Variants in COL26A1 observed in about 807,000 individuals in gnomAD.
COL26A1 encodes collagen alpha-1(XXVI) chain.
Under a neutral mutation model 59.3 loss-of-function variants are expected in COL26A1, and 41 were observed. The ratio of observed to expected loss-of-function variants is 0.69; its 90% CI spans 0.54 to 0.90. COL26A1 has a LOEUF of 0.90. COL26A1 is among the 40% of genes least tolerant of loss of function. The probability of loss-of-function intolerance (pLI) is 0.00; values close to 1 mark genes in which losing one functional copy is unlikely to be tolerated. For synonymous variants in COL26A1, 266 were observed against 256.0 expected, an observed-to-expected ratio of 1.04 and a Z score of -0.37; for missense variants, 612 against 602.3, an observed-to-expected ratio of 1.02 and a Z score of -0.17.
At chr7:101,516,825 T>C (rs1795038090) in intron 3 of COL26A1, among the ~76,000 whole-genome samples, 1 of 152,096 alleles carries the variant, frequency 6.6e-6, no homozygotes, top group Non-Finnish European at 1.5e-5. Flanking sequence ...ACAGAGGCCG[T>C]CATGTTGTTC....
intron 9 of COL26A1, among the ~76,000 whole-genome samples, chr7:101,550,647 G>A (rs1025796090): frequency 6.6e-6 from 1 of 152,048 alleles, no homozygotes; most frequent in Admixed American, 6.5e-5. Context: ...GGGATGGGGG[G>A]CACCAGGAGT....
At chr7:101,551,227 T>TGGGGGGGGGG in intron 10 of COL26A1, 84 bp downstream of exon 10, 2 of 102,874 alleles carry the variant, frequency 1.9e-5, no homozygotes, top group East Asian at 2.8e-4. Flanking sequence ...TGGCGGGGGT[T>TGGGGGGGGGG]GGTGGGGGGG....
chr7:101,480,415 C>T (rs1046720194), intron 3 of COL26A1, among the ~76,000 whole-genome samples: 2 of 152,228 alleles, frequency 1.3e-5, no homozygotes, highest in East Asian at 3.9e-4. Flanking sequence ...TCTTATTTTA[C>T]ACATGTCATA....
chr7:101,460,787 A>T (rs1183013632), intron 3 of COL26A1, among the ~76,000 whole-genome samples: 1 of 90,800 alleles, frequency 1.1e-5, no homozygotes, highest in Non-Finnish European at 2.5e-5. Context: ...TCTCAGGAAG[A>T]AAAAAAAAAA....
At chr7:101,452,989 GA>G (rs1793380161) in intron 3 of COL26A1, among the ~76,000 whole-genome samples, 1 of 152,126 alleles carries the variant, frequency 6.6e-6, no homozygotes, top group African/African-American at 2.4e-5. Context: ...GACCTCAAGT[GA>G]TCTGCCCGCC....
At chr7:101,481,271 A>C (rs115311349) in intron 3 of COL26A1, among the ~76,000 whole-genome samples, 5,956 of 152,180 alleles carry the variant, frequency 0.039, 400 homozygotes, top group African/African-American at 0.14. Flanking sequence ...CAGCTAAGTT[A>C]CTATGATAGC....
At chr7:101,553,748 C>T (rs13235582) in intron 11 of COL26A1, among the ~76,000 whole-genome samples, 31,141 of 152,050 alleles carry the variant, frequency 0.2, 3,400 homozygotes, top group South Asian at 0.32. Flanking sequence ...AATGGCGTCT[C>T]GGCATGGGCG....
intron 1 of COL26A1, among the ~76,000 whole-genome samples, chr7:101,414,025 C>T (rs916868147): frequency 5.3e-5 from 8 of 152,124 alleles, no homozygotes; most frequent in African/African-American, 1.4e-4. Flanking sequence ...ACACTCAGGA[C>T]GCAGGGATCC....
chr7:101,466,579 A>C (rs1405677688), intron 3 of COL26A1, among the ~76,000 whole-genome samples: 1 of 152,030 alleles, frequency 6.6e-6, no homozygotes, highest in African/African-American at 2.4e-5. Flanking sequence ...TGCACCTGCT[A>C]CTCAGGAGGC....
chr7:101,520,401 C>G (rs1795115308), intron 3 of COL26A1, among the ~76,000 whole-genome samples: 1 of 152,134 alleles, frequency 6.6e-6, no homozygotes. Context: ...CATTTAAGAA[C>G]TGGCCAGGTG....
intron 2 of COL26A1, among the ~76,000 whole-genome samples, chr7:101,435,026 GA>G (rs1232268579): frequency 6.6e-6 from 1 of 152,128 alleles, no homozygotes. Context: ...TGGTGAGGAG[GA>G]AAGAGCTCTG....
rs1460771233 is a variant in COL26A1 at position 101,362,923 on chromosome 7, G to T, written c.-110G>T. On this transcript the variant is annotated 5_prime_UTR_variant, in exon 1 of 13. Transcript: ENST00000313669. Reference sequence around the variant, plus strand: ...CACCCGGGCTCCGACCGCTCGCCCCGCTCCTCTCGCTGTGCTCCCGGCCGG... The same window carrying T: ...CACCCGGGCTCCGACCGCTCGCCCCTCTCCTCTCGCTGTGCTCCCGGCCGG... 3 of 1,166,138 alleles carry T rather than the reference G, an allele frequency of 2.6e-6. No individual in the cohort carries two copies. The Admixed American group carries it at 9.4e-5, about 37-fold the overall frequency. 72.2% of individuals were successfully genotyped at this position (1,166,138 alleles called of 1,614,324 possible).
rs192148371 is a variant in COL26A1, at chr7:101,546,776, G to C, written c.857-380G>C. On this transcript the variant is annotated intron_variant, in intron 7 of 12. Coordinates refer to ENST00000313669, the MANE Select transcript of COL26A1 (RefSeq NM_001278563.3). The stretch of plus-strand genomic sequence containing the variant: ...CCCCAGGCACAGCTCAGAGGGGTGG[G>C]CATGGAGGGCTTCCTGGAGGAGTGA... Among the ~76,000 whole-genome samples the C allele has an allele frequency of 2.7e-3, 405 of 152,288 alleles. 1 individual carries two copies. The highest frequency in any genetic ancestry group is 3.8e-3 in the Non-Finnish European group (256 of 68,000).
At chr7:101,432,640 C>A (rs150691923) in intron 2 of COL26A1, among the ~76,000 whole-genome samples, 3 of 152,126 alleles carry the variant, frequency 2.0e-5, no homozygotes, top group South Asian at 2.1e-4. Flanking sequence ...GAAGCCAGAG[C>A]GAGAGGCAGA....
chr7:101,400,927 G>A (rs749526043), intron 1 of COL26A1, among the ~76,000 whole-genome samples: 18 of 152,136 alleles, frequency 1.2e-4, no homozygotes, highest in Non-Finnish European at 2.6e-4. Context: ...CGCTAAACCC[G>A]AACGAGGGGT....
At chr7:101,392,707 C>T (rs1228033782) in intron 1 of COL26A1, among the ~76,000 whole-genome samples, 1 of 151,996 alleles carries the variant, frequency 6.6e-6, no homozygotes, top group Admixed American at 6.6e-5. Flanking sequence ...TGGCCAAAAA[C>T]CAGGCTTTTT....
chr7:101,384,514 T>C (rs1442227574), intron 1 of COL26A1, among the ~76,000 whole-genome samples: 1 of 151,966 alleles, frequency 6.6e-6, no homozygotes, highest in African/African-American at 2.4e-5. Flanking sequence ...AGACATGAGG[T>C]ACTGTGCCTG....
intron 1 of COL26A1, among the ~76,000 whole-genome samples, chr7:101,384,313 T>C (rs1791518438): frequency 6.7e-6 from 1 of 149,104 alleles, no homozygotes; most frequent in Non-Finnish European, 1.5e-5. Context: ...CTCGGCTTAC[T>C]GCAACCTCCG....
chr7:101,518,949 C>T (rs907270780), intron 3 of COL26A1, among the ~76,000 whole-genome samples: 1 of 152,162 alleles, frequency 6.6e-6, no homozygotes, highest in African/African-American at 2.4e-5. Flanking sequence ...AGTACTTGAT[C>T]CTGAAAGAGT....
Sources: allele counts gnomAD v4.1 joint callset (sites outside exome capture counted in the v4.1 genomes callset), GRCh38; gene constraint gnomAD v4.1.1; transcripts MANE v1.5; gene names NCBI Gene and HGNC (gene_info 2026-07-23, HGNC 2026-07-21).